The following NLGN1 variants were observed in gnomAD, a reference collection of about 807,000 sequenced individuals.
The protein encoded by NLGN1 is neuroligin-1.
In NLGN1, 12 loss-of-function variants were observed where a neutral mutation model predicts 65.5. The observed-to-expected ratio is 0.18, with a 90% CI of 0.12 to 0.30. NLGN1 has a LOEUF of 0.30. NLGN1 is among the 10% of genes least tolerant of loss of function. NLGN1 has a pLI of 1.00. For missense variants in NLGN1, 750 were observed against 1,007.1 expected, an observed-to-expected ratio of 0.74 and a Z score of 3.46; for synonymous variants, 350 against 359.5, an observed-to-expected ratio of 0.97 and a Z score of 0.30.
chr3:174,257,975 C>A (rs879416437), intron 4 of NLGN1, among the ~76,000 whole-genome samples: 1 of 151,074 alleles, frequency 6.6e-6, no homozygotes, highest in Non-Finnish European at 1.5e-5. Flanking sequence ...AATTCACATT[C>A]ATTAAATTTT....
intron 3 of NLGN1, among the ~76,000 whole-genome samples, chr3:173,752,955 A>G (rs953046343): frequency 1.3e-5 from 2 of 152,056 alleles, no homozygotes; most frequent in African/African-American, 4.8e-5. Context: ...CCCTTCCCTT[A>G]TACTCCAAGA....
chr3:173,460,100 T>C (rs1723124245), intron 2 of NLGN1, among the ~76,000 whole-genome samples: 1 of 152,104 alleles, frequency 6.6e-6, no homozygotes, highest in Non-Finnish European at 1.5e-5. Context: ...GCTACTAATG[T>C]AGGCCTGGTA....
intron 1 of NLGN1, among the ~76,000 whole-genome samples, chr3:173,430,751 G>T (rs1304192434): frequency 6.6e-6 from 1 of 152,188 alleles, no homozygotes; most frequent in African/African-American, 2.4e-5. Flanking sequence ...TTGCCATCTA[G>T]TTGTTAAAAA....
chr3:174,128,562 G>A (rs1160060250), intron 4 of NLGN1, among the ~76,000 whole-genome samples: 1 of 152,198 alleles, frequency 6.6e-6, no homozygotes, highest in South Asian at 2.1e-4. Flanking sequence ...ATTGAATGGC[G>A]ATTATTTACT....
intron 4 of NLGN1, among the ~76,000 whole-genome samples, chr3:174,122,556 A>G (rs1194579871): frequency 6.6e-6 from 1 of 152,158 alleles, no homozygotes; most frequent in Non-Finnish European, 1.5e-5. Context: ...CATTTTCAAA[A>G]TAATTCTTGT....
chr3:174,030,515 C>T (rs1480724719), intron 4 of NLGN1, among the ~76,000 whole-genome samples: 3 of 152,126 alleles, frequency 2.0e-5, no homozygotes, highest in Non-Finnish European at 2.9e-5. Flanking sequence ...GTTAAATTTC[C>T]GTGTAAGCTG....
chr3:173,414,887 G>C (rs1713361363), intron 1 of NLGN1, among the ~76,000 whole-genome samples: 1 of 152,208 alleles, frequency 6.6e-6, no homozygotes, highest in Admixed American at 6.5e-5. Context: ...TCCTGAGACA[G>C]AGCAGGGAAG....
chr3:174,244,527 A>C (rs886756800), intron 4 of NLGN1, among the ~76,000 whole-genome samples: 1 of 152,334 alleles, frequency 6.6e-6, no homozygotes, highest in Middle Eastern at 3.4e-3. Context: ...ACTTTATTGA[A>C]GAAAATGCCC....
At chr3:173,714,787 A>G (rs1209766680) in intron 3 of NLGN1, among the ~76,000 whole-genome samples, 1 of 152,102 alleles carries the variant, frequency 6.6e-6, no homozygotes, top group Non-Finnish European at 1.5e-5. Flanking sequence ...CAGGAGAAAA[A>G]TGTATGGGTC....
In NLGN1 at chr3:173,980,737, T is replaced by C. The variant is rs148998333; in HGVS notation, c.646+172905T>C. 2.6e-3 allele frequency among the ~76,000 whole-genome samples: 389 copies of C among 152,194 alleles called. 2 individuals are homozygous for C. Among genetic ancestry groups the C allele is most frequent in the African/African-American group, 8.9e-3 (368 of 41,552 alleles). ...AGGTATAAAAATTTTTACTTTAATA[T>C]ATATAGAACAGCACCTCTATTTTAA... On this transcript the variant is annotated intron_variant, in intron 4 of 6. Transcript: ENST00000457714.
At chr3:174,041,715 C>A (rs1041214572) in intron 4 of NLGN1, among the ~76,000 whole-genome samples, 2 of 152,048 alleles carry the variant, frequency 1.3e-5, no homozygotes, top group South Asian at 4.2e-4. Flanking sequence ...AGCACTTTTT[C>A]GTGTGTTTAT....
intron 4 of NLGN1, among the ~76,000 whole-genome samples, chr3:173,836,322 A>G (rs896115409): frequency 6.6e-6 from 1 of 152,142 alleles, no homozygotes; most frequent in Non-Finnish European, 1.5e-5. Context: ...TTAAGATTTT[A>G]TTCATAAAAC....
In NLGN1 at chr3:173,948,889, A is replaced by G. The variant is rs923333602; in HGVS notation, c.646+141057A>G. On this transcript the variant is annotated intron_variant, in intron 4 of 6. Coordinates refer to ENST00000457714, the Ensembl canonical transcript of NLGN1. ...CCCAGACAGACTTTAGATAAAGTGA[A>G]GAGAATTGGGGAAATTAATAATATA... Among the ~76,000 whole-genome samples the G allele has an allele frequency of 3.3e-5, 5 of 152,298 alleles. No homozygotes were observed. In the East Asian group the frequency reaches 9.6e-4, roughly 29 times the overall value.
chr3:173,946,276 G>A (rs528305861), intron 4 of NLGN1, among the ~76,000 whole-genome samples: 2 of 152,128 alleles, frequency 1.3e-5, no homozygotes, highest in South Asian at 4.1e-4. Context: ...ATATTTTAAT[G>A]CATTTCTTTG....
chr3:173,569,582 G>A lies in NLGN1; in HGVS notation c.-320-34697G>A, dbSNP rs555324260. 1.6e-4 allele frequency among the ~76,000 whole-genome samples: 18 copies of A among 116,120 alleles called. No individual in the cohort carries two copies. The East Asian group carries it at 6.1e-3, about 39-fold the overall frequency. 76.2% of individuals were successfully genotyped at this position (116,120 alleles called of 152,430 possible). Reference sequence around the variant, plus strand: ...CTGAAAATATCTGTTTTCTCATCATGGTTTCTTTTTTTTTTTTCTATTTAT... The same window carrying A: ...CTGAAAATATCTGTTTTCTCATCATAGTTTCTTTTTTTTTTTTCTATTTAT... On this transcript the variant is annotated intron_variant, in intron 2 of 6. Coordinates refer to ENST00000457714, the Ensembl canonical transcript of NLGN1.
At chr3:174,062,559 T>TA (rs964712398) in intron 4 of NLGN1, among the ~76,000 whole-genome samples, 41 of 150,638 alleles carry the variant, frequency 2.7e-4, no homozygotes, top group Middle Eastern at 3.5e-3. Flanking sequence ...ACGTATTCTC[T>TA]AAAAAAAAAC....
chr3:174,140,712 C>A (rs1453726324), intron 4 of NLGN1, among the ~76,000 whole-genome samples: 1 of 152,070 alleles, frequency 6.6e-6, no homozygotes, highest in Non-Finnish European at 1.5e-5. Context: ...TTGACAATAT[C>A]CTCTTTAGTT....
chr3:173,476,291 G>A (rs1726194029), intron 2 of NLGN1, among the ~76,000 whole-genome samples: 1 of 152,140 alleles, frequency 6.6e-6, no homozygotes, highest in African/African-American at 2.4e-5. Context: ...TTATAATAAG[G>A]TGCTTAAAAA....
At chr3:173,745,635 A>T (rs2150126714) in intron 3 of NLGN1, among the ~76,000 whole-genome samples, 1 of 152,026 alleles carries the variant, frequency 6.6e-6, no homozygotes, top group Non-Finnish European at 1.5e-5. Context: ...CCCACACCTA[A>T]CATTTTATAG....
Sources: allele counts gnomAD v4.1 joint callset (sites outside exome capture counted in the v4.1 genomes callset), GRCh38; gene constraint gnomAD v4.1.1; transcripts MANE v1.5; gene names NCBI Gene and HGNC (gene_info 2026-07-23, HGNC 2026-07-21).